Variants in ARSB observed in about 807,000 individuals in gnomAD.
ARSB encodes arylsulfatase B, also known as N-acetylgalactosamine-4-sulfatase.
ARSB carries 41 observed loss-of-function variants against 50.9 expected under a neutral mutation model. The ratio of observed to expected loss-of-function variants is 0.81; its 90% CI spans 0.63 to 1.04. The LOEUF is 1.04. Among genes scored for constraint, ARSB ranks in the 50% least tolerant of loss-of-function variants. The pLI, the probability that ARSB is intolerant of heterozygous loss-of-function variation, is 0.00. For synonymous variants in ARSB, 269 were observed against 284.8 expected (o/e 0.94, Z 0.56); for missense variants, 672 against 693.3 (o/e 0.97, Z 0.35).
At chr5:78,848,645 A>T (rs1745581764) in intron 5 of ARSB, among the ~76,000 whole-genome samples, 1 of 152,102 alleles carries the variant, frequency 6.6e-6, no homozygotes, top group South Asian at 2.1e-4. Context: ...GAATCATCAC[A>T]CTGACTTCCA....
chr5:78,936,434 T>C (rs995421369), intron 4 of ARSB, among the ~76,000 whole-genome samples: 2 of 151,330 alleles, frequency 1.3e-5, no homozygotes, highest in African/African-American at 4.9e-5. Flanking sequence ...AGGGTCTTTA[T>C]TTCTTTCTAA....
At chr5:78,982,701 C>A (rs1471400815) in intron 1 of ARSB, among the ~76,000 whole-genome samples, 1 of 152,160 alleles carries the variant, frequency 6.6e-6, no homozygotes, top group Admixed American at 6.5e-5. Flanking sequence ...CAGAACAATA[C>A]CAGCATATAG....
intron 1 of ARSB, among the ~76,000 whole-genome samples, chr5:78,970,682 G>A (rs934774317): frequency 6.6e-6 from 1 of 152,164 alleles, no homozygotes; most frequent in Non-Finnish European, 1.5e-5. Context: ...GGCCAGGCGG[G>A]GTGGCTTATC....
Position 78,842,965 on chromosome 5 carries a change from G to C in ARSB, c.1143-3539C>G, listed in dbSNP as rs989085359. Reference sequence around the variant, plus strand: ...TTTGCCATTAGGTATCTTGTTTTTTGCAGTACTCATTCTCAAACTTTGCTG... The same window carrying C: ...TTTGCCATTAGGTATCTTGTTTTTTCCAGTACTCATTCTCAAACTTTGCTG... On this transcript the variant is annotated intron_variant, in intron 5 of 7. Coordinates refer to ENST00000264914, the MANE Select transcript of ARSB (RefSeq NM_000046.5). 2.6e-5 allele frequency among the ~76,000 whole-genome samples: 4 copies of C among 151,748 alleles called. No individual in the cohort carries two copies. The South Asian group carries it at 8.3e-4, about 32-fold the overall frequency.
intron 4 of ARSB, among the ~76,000 whole-genome samples, chr5:78,944,111 C>G (rs974955408): frequency 6.6e-6 from 1 of 152,146 alleles, no homozygotes; most frequent in African/African-American, 2.4e-5. Context: ...GTTCTCGTGC[C>G]GTGGTTTTCA....
intron 6 of ARSB, among the ~76,000 whole-genome samples, chr5:78,800,953 G>A (rs914260467): frequency 1.3e-5 from 2 of 152,168 alleles, no homozygotes; most frequent in Admixed American, 6.5e-5. Context: ...GTGTGGAAGA[G>A]TACAAGGTGA....
intron 4 of ARSB, among the ~76,000 whole-genome samples, chr5:78,890,577 C>T (rs960444722): frequency 2.0e-5 from 3 of 152,146 alleles, no homozygotes; most frequent in Non-Finnish European, 2.9e-5. Flanking sequence ...ATTTATATAC[C>T]GCTTCAAGTT....
Position 78,780,443 on chromosome 5 carries a change from G to C in ARSB, c.1556C>G (p.Pro519Arg). 6.2e-7 allele frequency: 1 copy of C among 1,614,130 alleles called. No homozygotes were observed. The highest frequency in any genetic ancestry group is 8.5e-7 in the Non-Finnish European group (1 of 1,180,020). The change falls in exon 8 of 8, where the codon CCC (proline) becomes CGC (arginine). Residue 519 changes from proline to arginine, a missense_variant. Coordinates refer to ENST00000264914, the MANE Select transcript of ARSB (RefSeq NM_000046.5). ...CCCAGTGGCCTTGGGATCACAGCGGGGGTCCTGTGCAGGGAAGTACACGGG... is the reference window on the plus strand; with the variant it reads ...CCCAGTGGCCTTGGGATCACAGCGGCGGTCCTGTGCAGGGAAGTACACGGG... ...SVPVYFPAQD[P>R]RCDPKATGVW...
chr5:78,879,941 T>C (rs1747666892), intron 5 of ARSB, among the ~76,000 whole-genome samples: 1 of 150,930 alleles, frequency 6.6e-6, no homozygotes, highest in Non-Finnish European at 1.5e-5. Flanking sequence ...AGTCTTGAAA[T>C]GTATGATCAA....
intron 5 of ARSB, among the ~76,000 whole-genome samples, chr5:78,855,824 T>C (rs1746116303): frequency 6.6e-6 from 1 of 152,270 alleles, no homozygotes; most frequent in South Asian, 2.1e-4. Context: ...ACGTTCCTCC[T>C]AGTTCATTCC....
chr5:78,851,672 C>T (rs1449490098), intron 5 of ARSB, among the ~76,000 whole-genome samples: 1 of 152,058 alleles, frequency 6.6e-6, no homozygotes, highest in African/African-American at 2.4e-5. Context: ...TTAAAGTCTC[C>T]TATTATTATT....
chr5:78,851,653 A>G (rs1204218199), intron 5 of ARSB, among the ~76,000 whole-genome samples: 2 of 152,164 alleles, frequency 1.3e-5, no homozygotes, highest in African/African-American at 4.8e-5. Context: ...TAATGTTGAT[A>G]GTGGGGTGTT....
Position 78,958,091 on chromosome 5 carries a change from C to A in ARSB, c.691-2589G>T, listed in dbSNP as rs565879259. On this transcript the variant is annotated intron_variant, in intron 3 of 7. Transcript: ENST00000264914. ...TAACAAAAGGCTGGAGTATGAGAAA[C>A]AGGGGCCCCATCCCCCTCAAATGCT... 2.0e-5 allele frequency among the ~76,000 whole-genome samples: 3 copies of A among 152,214 alleles called. No homozygotes were observed. The South Asian group carries it at 6.2e-4, about 32-fold the overall frequency.
intron 3 of ARSB, among the ~76,000 whole-genome samples, chr5:78,961,811 C>T (rs539296292): frequency 7.2e-5 from 11 of 151,954 alleles, no homozygotes; most frequent in South Asian, 4.2e-4. Flanking sequence ...ATGACCCATC[C>T]GAGAATGGCT....
chr5:78,873,901 G>A (rs963743207), intron 5 of ARSB, among the ~76,000 whole-genome samples: 5 of 152,126 alleles, frequency 3.3e-5, no homozygotes, highest in African/African-American at 1.2e-4. Context: ...TCACCTTTGT[G>A]ACACATCTGG....
chr5:78,890,384 G>A (rs1312846676), intron 4 of ARSB, among the ~76,000 whole-genome samples: 4 of 151,666 alleles, frequency 2.6e-5, no homozygotes, highest in Non-Finnish European at 5.9e-5. Flanking sequence ...CCAAGTAGCT[G>A]GGACTACAAG....
chr5:78,935,577 G>A (rs2112406971), intron 4 of ARSB, among the ~76,000 whole-genome samples: 1 of 152,242 alleles, frequency 6.6e-6, no homozygotes. Context: ...CCTGATGAGA[G>A]TAACAAGAGG....
intron 4 of ARSB, among the ~76,000 whole-genome samples, chr5:78,944,396 C>T (rs917410974): frequency 3.3e-5 from 5 of 152,114 alleles, no homozygotes; most frequent in Non-Finnish European, 7.4e-5. Flanking sequence ...GTTTTTTCCC[C>T]ATCTTTGTGG....
chr5:78,970,074 G>A (rs1456120018), intron 1 of ARSB, among the ~76,000 whole-genome samples: 1 of 152,162 alleles, frequency 6.6e-6, no homozygotes, highest in Non-Finnish European at 1.5e-5. Flanking sequence ...CAGGGCATAA[G>A]GTCCATACAG....
Sources: allele counts gnomAD v4.1 joint callset (sites outside exome capture counted in the v4.1 genomes callset), GRCh38; gene constraint gnomAD v4.1.1; transcripts MANE v1.5; gene names NCBI Gene and HGNC (gene_info 2026-07-23, HGNC 2026-07-21).